The following MROH9 variants were observed in gnomAD, a reference collection of about 807,000 sequenced individuals.
The protein encoded by MROH9 is maestro heat like repeat family member 9.
MROH9 carries 92 observed loss-of-function variants against 98.2 expected under a neutral mutation model. That is an observed-to-expected ratio of 0.94 (90% CI 0.79 to 1.11). The LOEUF (loss-of-function observed/expected upper bound fraction) is 1.11, where lower values mean the gene tolerates loss of function less well. Among genes scored for constraint, MROH9 ranks in the 50% most tolerant of loss-of-function variants. MROH9 has a pLI of 0.00. For synonymous variants in MROH9, 397 were observed against 368.9 expected (o/e 1.08, Z -0.87); for missense variants, 1,057 against 1,014.8 (o/e 1.04, Z -0.57).
At chr1:170,970,395 A>AC (rs1650396549) in intron 7 of MROH9, among the ~76,000 whole-genome samples, 1 of 151,730 alleles carries the variant, frequency 6.6e-6, no homozygotes, top group African/African-American at 2.4e-5. Flanking sequence ...GTGGGAAAAA[A>AC]AAAAAACTTG....
Position 170,995,393 on chromosome 1 carries a change from G to A in MROH9, c.1199G>A (p.Cys400Tyr). The A allele has an allele frequency of 6.2e-7, 1 of 1,613,254 alleles. No homozygotes were observed. Among genetic ancestry groups the A allele is most frequent in the Non-Finnish European group, 8.5e-7 (1 of 1,179,462 alleles). The stretch of plus-strand genomic sequence containing the variant: ...TCCTATTTCCTTCCCTTATAGGCAT[G>A]CCAGGCCCTGTGCACCTTTCTGCCT... Reference protein sequence around the residue: ...DITNLMPLAACQALCTFLPLG... With the variant: ...DITNLMPLAAYQALCTFLPLG... The change falls in exon 13 of 22, where the codon TGC (cysteine) becomes TAC (tyrosine). Residue 400 changes from cysteine (C) to tyrosine (Y), a missense_variant. Coordinates refer to ENST00000367759, the MANE Select transcript of MROH9 (RefSeq NM_001163629.2).
intron 10 of MROH9, 123 bp downstream of exon 10, chr1:170,986,833 A>G (rs1651156569): frequency 8.9e-7 from 1 of 1,119,686 alleles, no homozygotes; most frequent in Non-Finnish European, 1.3e-6. Context: ...TATGACTTCA[A>G]TATAATGAGG....
rs201544538 is a variant in MROH9, at chr1:170,995,396, A to T, written c.1202A>T (p.Gln401Leu). ...ITNLMPLAAC[Q>L]ALCTFLPLGS... ...TATTTCCTTCCCTTATAGGCATGCC[A>T]GGCCCTGTGCACCTTTCTGCCTCTT... Residue 401 changes from glutamine (Q) to leucine (L), a missense_variant, in exon 13 of 22, where the codon CAG becomes CTG. Coordinates refer to ENST00000367759, the MANE Select transcript of MROH9 (RefSeq NM_001163629.2). 1,621 of 1,613,324 alleles carry T rather than the reference A, an allele frequency of 1.0e-3. 4 individuals are homozygous for T. The highest frequency in any genetic ancestry group is 2.3e-3 in the Middle Eastern group (14 of 6,052).
chr1:171,022,972 A>T (rs1467178300), intron 17 of MROH9, among the ~76,000 whole-genome samples: 11 of 152,206 alleles, frequency 7.2e-5, no homozygotes, highest in Non-Finnish European at 1.5e-5. Flanking sequence ...CATATAAAAA[A>T]AATCAATATG....
At chr1:171,033,879 T>C (rs1374554310) in intron 20 of MROH9, among the ~76,000 whole-genome samples, 1 of 152,104 alleles carries the variant, frequency 6.6e-6, no homozygotes, top group Non-Finnish European at 1.5e-5. Flanking sequence ...ATATATAATT[T>C]AAGAAATAAA....
intron 20 of MROH9, among the ~76,000 whole-genome samples, chr1:171,045,798 T>C (rs527663240): frequency 2.4e-4 from 37 of 152,154 alleles, no homozygotes; most frequent in African/African-American, 3.9e-4. Context: ...CTTAAATATA[T>C]ATTAGATCCA....
chr1:171,023,607 G>C lies in MROH9; in HGVS notation c.1909-788G>C, dbSNP rs147051306. Among the ~76,000 whole-genome samples the C allele has an allele frequency of 2.5e-3, 377 of 151,734 alleles. 11 individuals are homozygous for C. Among genetic ancestry groups the C allele is most frequent in the Admixed American group, 0.023 (347 of 15,236 alleles). ...ATTGTTTTACTAGTTTATATATTTT[G>C]TTCAGCTTTATTAAGGCATAATTAA... On this transcript the variant is annotated intron_variant, in intron 17 of 21. Transcript: ENST00000367759.
chr1:170,972,936 G>T (rs1650524240), intron 8 of MROH9, among the ~76,000 whole-genome samples: 1 of 151,100 alleles, frequency 6.6e-6, no homozygotes, highest in African/African-American at 2.4e-5. Flanking sequence ...AACGAATGAG[G>T]TGGGGTTTGT....
At chr1:171,037,292 G>A (rs1189159093) in intron 20 of MROH9, among the ~76,000 whole-genome samples, 2 of 151,282 alleles carry the variant, frequency 1.3e-5, no homozygotes, top group Non-Finnish European at 3.0e-5. Flanking sequence ...AAGAAAGAAG[G>A]AAGGAAGGAA....
intron 10 of MROH9, among the ~76,000 whole-genome samples, chr1:170,989,053 A>C (rs1423769338): frequency 6.6e-6 from 1 of 152,182 alleles, no homozygotes; most frequent in Non-Finnish European, 1.5e-5. Flanking sequence ...TTTGTTTGCC[A>C]TAGAAAGTTG....
chr1:171,005,406 A>G (rs946629816), intron 15 of MROH9, among the ~76,000 whole-genome samples: 1 of 152,180 alleles, frequency 6.6e-6, no homozygotes, highest in East Asian at 1.9e-4. Flanking sequence ...TTCTTTCAAT[A>G]TATGAACACT....
intron 19 of MROH9, 58 bp downstream of exon 19, chr1:171,024,823 T>C: frequency 5.8e-6 from 6 of 1,030,530 alleles, no homozygotes; most frequent in Middle Eastern, 2.9e-4. Flanking sequence ...TTACAGGATA[T>C]CCAAAGTGAT....
intron 3 of MROH9, among the ~76,000 whole-genome samples, chr1:170,954,709 C>T (rs1356497999): frequency 2.6e-5 from 4 of 152,078 alleles, no homozygotes; most frequent in African/African-American, 7.2e-5. Flanking sequence ...CTTATCCTAA[C>T]AGGTGTGAGG....
intron 20 of MROH9, among the ~76,000 whole-genome samples, chr1:171,026,483 A>G (rs1652718067): frequency 6.7e-6 from 1 of 150,270 alleles, no homozygotes; most frequent in Non-Finnish European, 1.5e-5. Flanking sequence ...TATGTTTGCC[A>G]GGCTGGTCTT....
At chr1:170,999,037 G>A (rs1651691500) in intron 15 of MROH9, among the ~76,000 whole-genome samples, 1 of 151,986 alleles carries the variant, frequency 6.6e-6, no homozygotes, top group South Asian at 2.1e-4. Flanking sequence ...TTTCAAATAT[G>A]CTCAGTCTAT....
chr1:171,062,132 G>T lies in MROH9; in HGVS notation c.2282G>T (p.Gly761Val), dbSNP rs1654033965. The T allele has an allele frequency of 6.5e-7, 1 of 1,541,922 alleles. No homozygotes were observed. Among genetic ancestry groups the T allele is most frequent in the Non-Finnish European group, 8.8e-7 (1 of 1,138,466 alleles). ...ACTTTAATTTTTATTATGTGCATAG[G>T]ATATTTGGCAAAATCAGGTGGTCAT... ...YLKRASVILI[G>V]YLAKSGGHLL... Residue 761 changes from glycine (G) to valine (V), a missense_variant and splice_region_variant, in exon 21 of 22, where the codon GGA becomes GTA. Physicochemically the swap from Gly to Val is moderately radical, Grantham distance 109. Transcript: ENST00000367759.
intron 21 of MROH9, among the ~76,000 whole-genome samples, chr1:171,062,919 AC>A (rs1237490849): frequency 3.9e-4 from 59 of 151,406 alleles, no homozygotes; most frequent in Non-Finnish European, 6.5e-4. Flanking sequence ...GACATCCCCC[AC>A]CAGAGTAGTA....
At chr1:170,998,411 A>G in intron 15 of MROH9, 137 bp downstream of exon 15, 1 of 1,604,408 alleles carries the variant, frequency 6.2e-7, no homozygotes, top group Non-Finnish European at 8.5e-7. Context: ...AAGATATCTG[A>G]AGTCGGATGG....
At chr1:170,963,998 C>T (rs1006085464) in intron 6 of MROH9, among the ~76,000 whole-genome samples, 5 of 152,180 alleles carry the variant, frequency 3.3e-5, no homozygotes, top group Admixed American at 6.5e-5. Flanking sequence ...GATTATGAAT[C>T]CTCCCCTTCC....
Sources: allele counts gnomAD v4.1 joint callset (sites outside exome capture counted in the v4.1 genomes callset), GRCh38; gene constraint gnomAD v4.1.1; transcripts MANE v1.5; gene names NCBI Gene and HGNC (gene_info 2026-07-23, HGNC 2026-07-21).